The following CACNA1C variants were observed in gnomAD, a reference collection of about 807,000 sequenced individuals.
The protein encoded by CACNA1C is voltage-dependent L-type calcium channel subunit alpha-1C.
CACNA1C carries 30 observed loss-of-function variants against 229.0 expected under a neutral mutation model. That is an observed-to-expected ratio of 0.13 (90% CI 0.10 to 0.18). The LOEUF is 0.18. Ranked by LOEUF, CACNA1C falls within the 10% of genes least tolerant of loss-of-function variation. The pLI, the probability that CACNA1C is intolerant of heterozygous loss-of-function variation, is 1.00. For missense variants in CACNA1C, 1,658 were observed against 2,845.0 expected, an observed-to-expected ratio of 0.58 and a Z score of 9.49; for synonymous variants, 1,114 against 1,132.5, an observed-to-expected ratio of 0.98 and a Z score of 0.33.
intron 3 of CACNA1C, among the ~76,000 whole-genome samples, chr12:2,265,432 T>C (rs919539641): frequency 5.9e-5 from 9 of 152,158 alleles, no homozygotes; most frequent in Admixed American, 5.9e-4. Context: ...CTATCTGGCG[T>C]TGTGGTTTCC....
At chr12:1,981,581 A>T (rs1388991960) in intron 1 of CACNA1C, among the ~76,000 whole-genome samples, 3 of 152,122 alleles carry the variant, frequency 2.0e-5, no homozygotes, top group African/African-American at 7.2e-5. Flanking sequence ...ATATGTTTAC[A>T]TGTCTGTCTT....
chr12:2,426,781 T>TATGGCTGGG (rs996998431), intron 3 of CACNA1C, among the ~76,000 whole-genome samples: 1 of 152,228 alleles, frequency 6.6e-6, no homozygotes, highest in Non-Finnish European at 1.5e-5. Context: ...CATTGGCTGA[T>TATGGCTGGG]ATGGCTGGGA....
At chr12:2,583,251 C>T (rs1342271523) in intron 15 of CACNA1C, among the ~76,000 whole-genome samples, 3 of 152,228 alleles carry the variant, frequency 2.0e-5, no homozygotes, top group Non-Finnish European at 2.9e-5. Context: ...GCGATAGGGA[C>T]GCGCGGGAGC....
intron 3 of CACNA1C, among the ~76,000 whole-genome samples, chr12:2,304,945 C>T (rs545050723): frequency 1.7e-4 from 26 of 152,228 alleles, no homozygotes; most frequent in Admixed American, 7.2e-4. Flanking sequence ...TCTAATGTGA[C>T]GTTAAATTCT....
chr12:2,436,219 A>C (rs115823971), intron 3 of CACNA1C, among the ~76,000 whole-genome samples: 3,644 of 152,266 alleles, frequency 0.024, 164 homozygotes, highest in African/African-American at 0.084. Context: ...GGCATGTTCA[A>C]AGTGAGACTC....
chr12:2,136,303 G>C (rs1391452849), intron 3 of CACNA1C, among the ~76,000 whole-genome samples: 1 of 151,262 alleles, frequency 6.6e-6, no homozygotes, highest in African/African-American at 2.4e-5. Flanking sequence ...TTCCTATTCG[G>C]CCATCTTGGC....
At chr12:2,087,365 T>C (rs2068100224) in intron 1 of CACNA1C, among the ~76,000 whole-genome samples, 2 of 152,062 alleles carry the variant, frequency 1.3e-5, no homozygotes, top group South Asian at 4.1e-4. Context: ...GAGTACAGAG[T>C]ATGGATTTGA....
intron 3 of CACNA1C, among the ~76,000 whole-genome samples, chr12:2,448,463 C>G (rs1345333708): frequency 6.6e-6 from 1 of 152,172 alleles, no homozygotes; most frequent in Non-Finnish European, 1.5e-5. Context: ...GTCTCCATTT[C>G]TTTGTGGCTG....
chr12:2,481,341 T>G (rs866768318), intron 5 of CACNA1C, among the ~76,000 whole-genome samples: 1 of 152,170 alleles, frequency 6.6e-6, no homozygotes, highest in Non-Finnish European at 1.5e-5. Context: ...AGACATTGCT[T>G]TCTGCAATGG....
chr12:1,990,905 G>A (rs1171898835), intron 1 of CACNA1C, among the ~76,000 whole-genome samples: 7 of 151,692 alleles, frequency 4.6e-5, no homozygotes, highest in Non-Finnish European at 7.4e-5. Flanking sequence ...TTTGATGCCC[G>A]GGATTGAAAA....
At chr12:2,203,660 A>G (rs4765668) in intron 3 of CACNA1C, among the ~76,000 whole-genome samples, 51,593 of 151,394 alleles carry the variant, frequency 0.34, 9,214 homozygotes, top group South Asian at 0.39. Context: ...AGAGAGCACC[A>G]GGGGACACTG....
intron 1 of CACNA1C, among the ~76,000 whole-genome samples, chr12:2,028,834 T>G (rs538670635): frequency 6.6e-6 from 1 of 152,384 alleles, no homozygotes; most frequent in East Asian, 1.9e-4. Context: ...ATACAAATAC[T>G]GAGAACAGTG....
At chr12:2,202,056 G>A (rs2097590923) in intron 3 of CACNA1C, among the ~76,000 whole-genome samples, 1 of 152,246 alleles carries the variant, frequency 6.6e-6, no homozygotes, top group African/African-American at 2.4e-5. Flanking sequence ...ATGCAAGAAT[G>A]TCTTTTGTTA....
chr12:2,615,805 G>A (rs1182346205), intron 29 of CACNA1C, among the ~76,000 whole-genome samples: 1 of 152,224 alleles, frequency 6.6e-6, no homozygotes, highest in Non-Finnish European at 1.5e-5. Context: ...TGTCGAGGAT[G>A]TCTCAGCAAG....
chr12:2,131,785 C>T (rs1487270806), intron 3 of CACNA1C, among the ~76,000 whole-genome samples: 24 of 149,576 alleles, frequency 1.6e-4, no homozygotes, highest in Middle Eastern at 3.4e-3. Flanking sequence ...CTTGGCAATG[C>T]GGGCTCTTTT....
At chr12:2,556,782 A>T (rs1296230331) in intron 10 of CACNA1C, among the ~76,000 whole-genome samples, 169 bp from the exon 11 acceptor site, 1 of 152,194 alleles carries the variant, frequency 6.6e-6, no homozygotes. Flanking sequence ...ACATTCAAAT[A>T]CATAAATAGG....
intron 2 of CACNA1C, among the ~76,000 whole-genome samples, chr12:2,117,502 C>T (rs1206620557): frequency 6.6e-6 from 1 of 152,140 alleles, no homozygotes; most frequent in Non-Finnish European, 1.5e-5. Context: ...GTCAGGCACC[C>T]CTGAGAGAAG....
At chr12:1,986,539 A>G (rs551112639) in intron 1 of CACNA1C, among the ~76,000 whole-genome samples, 3 of 152,322 alleles carry the variant, frequency 2.0e-5, no homozygotes, top group African/African-American at 7.2e-5. Flanking sequence ...TGCTACCACC[A>G]TGACCACCAC....
At chr12:2,261,608 G>A (rs1048715779) in intron 3 of CACNA1C, among the ~76,000 whole-genome samples, 33 of 152,372 alleles carry the variant, frequency 2.2e-4, no homozygotes, top group Middle Eastern at 3.4e-3. Context: ...GTCATGACAA[G>A]TGTTTAGTAT....
Sources: allele counts gnomAD v4.1 joint callset (sites outside exome capture counted in the v4.1 genomes callset), GRCh38; gene constraint gnomAD v4.1.1; transcripts MANE v1.5; gene names NCBI Gene and HGNC (gene_info 2026-07-23, HGNC 2026-07-21).